The following STK39 variants were observed in gnomAD, a reference collection of about 807,000 sequenced individuals.
STK39 encodes the protein STE20/SPS1-related proline-alanine-rich protein kinase.
In STK39, 20 loss-of-function variants were observed where a neutral mutation model predicts 77.8. That is an observed-to-expected ratio of 0.26 (90% CI 0.18 to 0.37). The LOEUF (loss-of-function observed/expected upper bound fraction) is 0.37, where lower values mean the gene tolerates loss of function less well. Ranked by LOEUF, STK39 falls within the 10% of genes least tolerant of loss-of-function variation. The pLI is 1.00. For missense variants in STK39, 479 were observed against 656.5 expected (o/e 0.73, Z 2.95); for synonymous variants, 246 against 234.1 (o/e 1.05, Z -0.47).
chr2:168,128,586 T>C (rs1687604266), intron 10 of STK39, among the ~76,000 whole-genome samples: 1 of 152,226 alleles, frequency 6.6e-6, no homozygotes, highest in Admixed American at 6.5e-5. Context: ...CTTCACAGAA[T>C]GGGACATTTC....
chr2:168,091,370 C>T (rs1384543470), intron 10 of STK39, among the ~76,000 whole-genome samples: 1 of 152,218 alleles, frequency 6.6e-6, no homozygotes, highest in African/African-American at 2.4e-5. Flanking sequence ...TCTCATGTCT[C>T]TCTCATTCAA....
chr2:168,086,643 C>G (rs1286042220), intron 10 of STK39, among the ~76,000 whole-genome samples: 1 of 152,182 alleles, frequency 6.6e-6, no homozygotes, highest in Admixed American at 6.5e-5. Context: ...TAAAAATACT[C>G]AGCTAGTTTG....
chr2:168,210,382 T>A (rs1377953172), intron 1 of STK39, among the ~76,000 whole-genome samples: 2 of 152,238 alleles, frequency 1.3e-5, no homozygotes, highest in Admixed American at 1.3e-4. Flanking sequence ...AGAATTGCTA[T>A]GAAAGAAAAT....
intron 10 of STK39, among the ~76,000 whole-genome samples, chr2:168,114,530 C>T (rs2105476183): frequency 6.6e-6 from 1 of 152,254 alleles, no homozygotes; most frequent in Admixed American, 6.5e-5. Flanking sequence ...GAAATCGAGG[C>T]TCAGAGAAGC....
chr2:168,224,955 A>G (rs1401741012), intron 1 of STK39, among the ~76,000 whole-genome samples: 1 of 152,212 alleles, frequency 6.6e-6, no homozygotes, highest in Non-Finnish European at 1.5e-5. Flanking sequence ...CACTTCATGA[A>G]CATGGTTCTC....
At chr2:168,210,351 C>T (rs1689859933) in intron 1 of STK39, among the ~76,000 whole-genome samples, 2 of 152,140 alleles carry the variant, frequency 1.3e-5, no homozygotes, top group Admixed American at 6.5e-5. Context: ...TTTCCCACCC[C>T]TTCTTGAAAT....
At chr2:168,215,539 A>C (rs1270563562) in intron 1 of STK39, among the ~76,000 whole-genome samples, 1 of 152,206 alleles carries the variant, frequency 6.6e-6, no homozygotes, top group Non-Finnish European at 1.5e-5. Context: ...CTTTTGCTGG[A>C]TCTGTTTCCC....
chr2:168,129,859 A>G (rs2105507586), intron 8 of STK39, 101 bp from the exon 9 acceptor site: 4 of 1,331,914 alleles, frequency 3.0e-6, no homozygotes, highest in South Asian at 2.4e-5. Flanking sequence ...TGGAAGACCA[A>G]TTTTAGTAAT....
At chr2:168,029,808 A>G (rs1413486553) in intron 14 of STK39, among the ~76,000 whole-genome samples, 1 of 152,210 alleles carries the variant, frequency 6.6e-6, no homozygotes, top group African/African-American at 2.4e-5. Context: ...ACATTCTGCC[A>G]TGAACATGCA....
At chr2:167,995,897 C>T (rs1440875817) in intron 16 of STK39, among the ~76,000 whole-genome samples, 1 of 152,208 alleles carries the variant, frequency 6.6e-6, no homozygotes, top group Non-Finnish European at 1.5e-5. Context: ...CTGGTGCCAG[C>T]TTCATGTCCT....
chr2:167,996,039 T>A (rs1055367099), intron 16 of STK39, among the ~76,000 whole-genome samples: 1 of 151,158 alleles, frequency 6.6e-6, no homozygotes, highest in African/African-American at 2.5e-5. Context: ...GCCCTGCAAA[T>A]TATGTAGCTG....
intron 14 of STK39, among the ~76,000 whole-genome samples, chr2:168,033,416 G>T (rs942023159): frequency 1.3e-5 from 2 of 152,206 alleles, no homozygotes; most frequent in Non-Finnish European, 2.9e-5. Context: ...TGAGCAGTGA[G>T]CCAACAGTCA....
intron 5 of STK39, among the ~76,000 whole-genome samples, chr2:168,154,539 A>G (rs565673730): frequency 4.6e-5 from 7 of 152,344 alleles, no homozygotes; most frequent in South Asian, 2.1e-4. Context: ...AACTTATAAG[A>G]TGTTATTGAC....
chr2:168,247,489 T>C lies in STK39; in HGVS notation c.-54A>G. 1 of 1,240,746 alleles carries C rather than the reference T, an allele frequency of 8.1e-7. No individual in the cohort carries two copies. The highest frequency in any genetic ancestry group is 1.0e-6 in the Non-Finnish European group (1 of 976,386). The allele number at this position is 1,240,746 out of a possible 1,614,324, so 76.9% of individuals were successfully genotyped here. A position where few individuals can be genotyped will look rare whatever the true frequency, so the allele number is the denominator to read the frequency against. On this transcript the variant is annotated 5_prime_UTR_variant, in exon 1 of 18. Transcript: ENST00000355999. ...GCCGGCCGACGGACGACCTTCCACT[T>C]GAAACTTCCTTTGCCTCGCCGCCGA... is the stretch of plus-strand genomic sequence containing the variant.
At chr2:168,152,797 C>T (rs1329555426) in intron 5 of STK39, among the ~76,000 whole-genome samples, 1 of 152,184 alleles carries the variant, frequency 6.6e-6, no homozygotes, top group African/African-American at 2.4e-5. Context: ...TCCTGGCCGG[C>T]CATATCCGCA....
chr2:168,242,596 T>TATATATATATATATATATATAA (rs1690796732), intron 1 of STK39, among the ~76,000 whole-genome samples: 1 of 95,818 alleles, frequency 1.0e-5, no homozygotes, highest in African/African-American at 4.1e-5. Flanking sequence ...TATATATATA[T>TATATATATATATATATATATAA]AAAGAGGCCA....
intron 2 of STK39, among the ~76,000 whole-genome samples, chr2:168,177,700 CCCTAG>C (rs1361216866): frequency 3.3e-5 from 5 of 152,250 alleles, no homozygotes; most frequent in Non-Finnish European, 5.9e-5. Context: ...AGGGTAGCAT[CCCTAG>C]CCTTTGAGGT....
At chr2:168,027,638 A>G (rs1309220759) in intron 14 of STK39, among the ~76,000 whole-genome samples, 1 of 152,248 alleles carries the variant, frequency 6.6e-6, no homozygotes. Flanking sequence ...GAGCACACAC[A>G]TACACAAATA....
intron 14 of STK39, among the ~76,000 whole-genome samples, chr2:168,043,082 C>T (rs937752592): frequency 1.3e-5 from 2 of 152,192 alleles, no homozygotes; most frequent in African/African-American, 4.8e-5. Flanking sequence ...GCCCCTCCGT[C>T]CCCACCGCCC....
Sources: allele counts gnomAD v4.1 joint callset (sites outside exome capture counted in the v4.1 genomes callset), GRCh38; gene constraint gnomAD v4.1.1; transcripts MANE v1.5; gene names NCBI Gene and HGNC (gene_info 2026-07-23, HGNC 2026-07-21).